Variants in WWOX observed in about 807,000 individuals in gnomAD.
The protein encoded by WWOX is WW domain-containing oxidoreductase.
In WWOX, 69 loss-of-function variants were observed where a neutral mutation model predicts 46.2. That is an observed-to-expected ratio of 1.49 (90% CI 1.23 to 1.82). WWOX has a LOEUF of 1.82. Ranked by LOEUF, WWOX falls within the 40% of genes most tolerant of loss-of-function variation. The pLI is 0.00. For missense variants in WWOX, 919 were observed against 542.6 expected, an observed-to-expected ratio of 1.69 and a Z score of -6.89; for synonymous variants, 359 against 202.6, an observed-to-expected ratio of 1.77 and a Z score of -6.56.
At chr16:78,641,667 C>T (rs2046715051) in intron 8 of WWOX, among the ~76,000 whole-genome samples, 1 of 152,116 alleles carries the variant, frequency 6.6e-6, no homozygotes, top group Non-Finnish European at 1.5e-5. Context: ...AGTTAAACGG[C>T]CCCGCAGATT....
At chr16:79,126,943 C>G (rs899724854) in intron 8 of WWOX, among the ~76,000 whole-genome samples, 10 of 151,984 alleles carry the variant, frequency 6.6e-5, no homozygotes, top group African/African-American at 2.2e-4. Context: ...ATTTATGTAT[C>G]ACAGTTGCCT....
intron 8 of WWOX, chr16:78,756,983 T>A: frequency 1.4e-6 from 1 of 702,974 alleles, no homozygotes; most frequent in South Asian, 1.5e-5. Context: ...AGCATACCCG[T>A]GTAGAAGAAC....
At chr16:78,814,302 C>T (rs975140203) in intron 8 of WWOX, among the ~76,000 whole-genome samples, 3 of 152,080 alleles carry the variant, frequency 2.0e-5, no homozygotes, top group Admixed American at 6.6e-5. Flanking sequence ...TTTTTATCCT[C>T]CTGGTGAAGT....
chr16:78,906,200 G>C lies in WWOX; in HGVS notation c.1057-305408G>C, dbSNP rs188821657. Among the ~76,000 whole-genome samples, 4 of 152,282 alleles carry C rather than the reference G, an allele frequency of 2.6e-5. No homozygotes were observed. In the East Asian group the frequency reaches 5.8e-4, roughly 22 times the overall value. ...CATCTGGGGCAGCAGAGAGCCACTG[G>C]TGTGGTGAGTTATCTCCCTGGGCCT... On this transcript the variant is annotated intron_variant, in intron 8 of 8. Transcript: ENST00000566780.
intron 8 of WWOX, among the ~76,000 whole-genome samples, chr16:78,747,454 C>A (rs1443832923): frequency 6.6e-6 from 1 of 152,148 alleles, no homozygotes; most frequent in Admixed American, 6.5e-5. Context: ...AAATACCCAT[C>A]ATTTATGAAG....
chr16:79,211,341 GTATT>G (rs1429285095), intron 8 of WWOX, among the ~76,000 whole-genome samples: 9 of 152,150 alleles, frequency 5.9e-5, no homozygotes, highest in African/African-American at 2.2e-4. Flanking sequence ...ATTGATATGT[GTATT>G]TATTTTCCAA....
intron 8 of WWOX, among the ~76,000 whole-genome samples, chr16:78,671,426 A>G (rs1480826261): frequency 6.6e-6 from 1 of 152,234 alleles, no homozygotes; most frequent in African/African-American, 2.4e-5. Flanking sequence ...CTGTGTCTCA[A>G]AAATTAAAAA....
At chr16:78,236,996 C>T (rs1194231244) in intron 5 of WWOX, among the ~76,000 whole-genome samples, 1 of 151,044 alleles carries the variant, frequency 6.6e-6, no homozygotes, top group African/African-American at 2.4e-5. Context: ...ATCACTTGAA[C>T]CCAGGAGGCG....
intron 8 of WWOX, among the ~76,000 whole-genome samples, chr16:78,727,313 C>G (rs1458847600): frequency 6.6e-6 from 1 of 152,202 alleles, no homozygotes; most frequent in Non-Finnish European, 1.5e-5. Flanking sequence ...GCAGGAGAAT[C>G]ACTTCAACCC....
chr16:78,297,828 T>C (rs1448128679), intron 5 of WWOX, among the ~76,000 whole-genome samples: 6 of 151,876 alleles, frequency 4.0e-5, no homozygotes, highest in Admixed American at 3.9e-4. Flanking sequence ...AAGGAAACTG[T>C]GCAGGAGTTC....
intron 5 of WWOX, among the ~76,000 whole-genome samples, chr16:78,213,636 A>G (rs766741555): frequency 6.6e-6 from 1 of 152,022 alleles, no homozygotes; most frequent in Non-Finnish European, 1.5e-5. Flanking sequence ...TTAAAAAAAG[A>G]ACTGGCATAG....
chr16:78,598,153 C>G (rs1190589170), intron 8 of WWOX, among the ~76,000 whole-genome samples: 1 of 152,070 alleles, frequency 6.6e-6, no homozygotes, highest in Non-Finnish European at 1.5e-5. Flanking sequence ...AGGGAGAAAT[C>G]TATAATAGGA....
chr16:78,773,902 G>C (rs759198721), intron 8 of WWOX, among the ~76,000 whole-genome samples: 5 of 152,204 alleles, frequency 3.3e-5, no homozygotes, highest in African/African-American at 9.7e-5. Flanking sequence ...GGGAGATCCA[G>C]AATTGGAATT....
intron 8 of WWOX, among the ~76,000 whole-genome samples, chr16:78,464,251 G>A (rs1177176664): frequency 6.6e-6 from 1 of 151,784 alleles, no homozygotes; most frequent in Non-Finnish European, 1.5e-5. Flanking sequence ...AGAGACGGAG[G>A]GAGATGGAGG....
In WWOX at chr16:78,381,897, G is replaced by A. The variant is rs147272766; in HGVS notation, c.517-4963G>A. On this transcript the variant is annotated intron_variant, in intron 5 of 8. Coordinates refer to ENST00000566780, the MANE Select transcript of WWOX (RefSeq NM_016373.4). ...TTTCCTTTTTTACTCAGACAGTCTT[G>A]TTCTGTTGCCCAGGCTGGAGTGCAG... is the stretch of plus-strand genomic sequence containing the variant. Among the ~76,000 whole-genome samples, 4 of 152,204 alleles carry A rather than the reference G, an allele frequency of 2.6e-5. No individual in the cohort carries two copies. In the East Asian group the frequency reaches 7.7e-4, roughly 29 times the overall value.
intron 8 of WWOX, among the ~76,000 whole-genome samples, chr16:78,601,812 A>G (rs961810408): frequency 3.9e-5 from 6 of 152,190 alleles, no homozygotes; most frequent in African/African-American, 1.2e-4. Context: ...GAGTAGGGAA[A>G]GGTGACATTC....
intron 3 of WWOX, among the ~76,000 whole-genome samples, chr16:78,112,832 T>C (rs1163804253): frequency 2.0e-5 from 3 of 151,970 alleles, no homozygotes; most frequent in Non-Finnish European, 4.4e-5. Flanking sequence ...TCTGAGGAGC[T>C]GGGACTACAG....
At chr16:78,656,263 TC>T (rs1383143765) in intron 8 of WWOX, among the ~76,000 whole-genome samples, 2 of 152,096 alleles carry the variant, frequency 1.3e-5, no homozygotes, top group Non-Finnish European at 2.9e-5. Flanking sequence ...ATCAATGCTA[TC>T]TGATGAGGCC....
In WWOX at chr16:78,723,599, TTTC is replaced by T. The variant is rs1266601407; in HGVS notation, c.1056+290850_1056+290852del. ...TTTCTTTTCTTTTCTTTTCTTTTCT[TTTC>T]TTTTCTTTTCTTTTCTTTTCTTTTC... On this transcript the variant is annotated intron_variant, in intron 8 of 8. Coordinates refer to ENST00000566780, the MANE Select transcript of WWOX (RefSeq NM_016373.4). Among the ~76,000 whole-genome samples, 26 of 26,976 alleles carry T rather than the reference TTTC, an allele frequency of 9.6e-4. 1 individual carries two copies. The highest frequency in any genetic ancestry group is 4.9e-3 in the African/African-American group (21 of 4,264). 17.7% of individuals were successfully genotyped at this position (26,976 alleles called of 152,430 possible). A position where few individuals can be genotyped will look rare whatever the true frequency, so the allele number is the denominator to read the frequency against.
Sources: allele counts gnomAD v4.1 joint callset (sites outside exome capture counted in the v4.1 genomes callset), GRCh38; gene constraint gnomAD v4.1.1; transcripts MANE v1.5; gene names NCBI Gene and HGNC (gene_info 2026-07-23, HGNC 2026-07-21).